The following LINC00632 variants were observed in gnomAD, a reference collection of about 807,000 sequenced individuals.
The protein encoded by LINC00632 is long independently transcribed non-coding RNA 632.
intron 2 of LINC00632, among the ~76,000 whole-genome samples, chrX:140,720,569 A>G (rs766737584): frequency 2.7e-5 from 3 of 112,298 alleles, no homozygotes; most frequent in African/African-American, 9.7e-5. Context: ...TCGCTGGACA[A>G]TACAGACACT....
chrX:140,768,347 C>T (rs914248501), intron 3 of LINC00632, among the ~76,000 whole-genome samples: 1 of 108,412 alleles, frequency 9.2e-6, no homozygotes, highest in Non-Finnish European at 1.9e-5. Context: ...AAGGGTAGAT[C>T]GAAGACCTCA....
chrX:140,739,431 G>C (rs1392171520), intron 3 of LINC00632, among the ~76,000 whole-genome samples: 1 of 110,357 alleles, frequency 9.1e-6, no homozygotes, highest in Non-Finnish European at 1.9e-5. Context: ...ATGTTGGTCA[G>C]GCTAGTCTCG....
chrX:140,787,710 T>C (rs1447510449), exon 5 of LINC00632, among the ~76,000 whole-genome samples: 1 of 111,508 alleles, frequency 9.0e-6, no homozygotes, highest in Non-Finnish European at 1.9e-5. Context: ...TGGAATACTG[T>C]GTGGTCATTT....
At chrX:140,726,358 A>T (rs1184161688) in intron 2 of LINC00632, among the ~76,000 whole-genome samples, 1 of 111,193 alleles carries the variant, frequency 9.0e-6, no homozygotes, top group African/African-American at 3.3e-5. Flanking sequence ...GAATGGCATC[A>T]TAATGCACAA....
At chrX:140,744,584 GGA>G (rs1931295670) in intron 3 of LINC00632, among the ~76,000 whole-genome samples, 5 of 76,564 alleles carry the variant, frequency 6.5e-5, no homozygotes, top group African/African-American at 2.2e-4. Context: ...GGGGGTGGGG[GGA>G]GGAGATGGAG....
chrX:140,788,246 C>T (rs1932045977), exon 5 of LINC00632, among the ~76,000 whole-genome samples: 1 of 109,615 alleles, frequency 9.1e-6, no homozygotes, highest in Non-Finnish European at 1.9e-5. Context: ...TTCTAGTACT[C>T]GTGTGTTGGG....
chrX:140,735,858 G>A (rs1931135916), intron 3 of LINC00632, among the ~76,000 whole-genome samples: 1 of 111,294 alleles, frequency 9.0e-6, no homozygotes, highest in Admixed American at 9.6e-5. Context: ...GAGTCACCAC[G>A]CCCAGCCTTT....
chrX:140,713,971 C>T (rs1040424800), intron 2 of LINC00632: 4 of 259,078 alleles, frequency 1.5e-5, no homozygotes, highest in African/African-American at 5.8e-5. Context: ...GACAAGCACA[C>T]ATACTCTCAA....
intron 2 of LINC00632, among the ~76,000 whole-genome samples, chrX:140,717,561 A>G (rs928576162): frequency 8.1e-5 from 9 of 110,982 alleles, no homozygotes; most frequent in Non-Finnish European, 1.9e-5. Context: ...CCCACAAAGC[A>G]AACCCACGCC....
chrX:140,783,741 G>GA (rs779058892), exon 5 of LINC00632: 25 of 1,207,965 alleles, frequency 2.1e-5, no homozygotes, highest in Middle Eastern at 4.6e-4. Context: ...ACATCTTCCG[G>GA]AAAAAATCCA....
chrX:140,762,598 T>G (rs1334759264), intron 3 of LINC00632, among the ~76,000 whole-genome samples: 9 of 112,409 alleles, frequency 8.0e-5, no homozygotes, highest in Non-Finnish European at 3.7e-5. Flanking sequence ...TATCAGGGAT[T>G]GACAAACTGC....
At chrX:140,767,498 T>C (rs1931710853) in intron 3 of LINC00632, among the ~76,000 whole-genome samples, 1 of 112,205 alleles carries the variant, frequency 8.9e-6, no homozygotes, top group South Asian at 3.7e-4. Flanking sequence ...TATTTAATTT[T>C]AAAGAAGTGG....
chrX:140,718,412 CTT>C (rs569513861), intron 2 of LINC00632, among the ~76,000 whole-genome samples: 14 of 95,492 alleles, frequency 1.5e-4, no homozygotes, highest in Non-Finnish European at 4.2e-5. Flanking sequence ...TGCACCTATT[CTT>C]TTTTTTTTTT....
At chrX:140,736,717 G>A (rs776409820) in intron 3 of LINC00632, among the ~76,000 whole-genome samples, 2 of 106,930 alleles carry the variant, frequency 1.9e-5, no homozygotes, top group African/African-American at 6.8e-5. Flanking sequence ...TTATAGGCAT[G>A]AGCCACTGTA....
At chrX:140,729,192 G>A (rs1466169558) in intron 2 of LINC00632, among the ~76,000 whole-genome samples, 1 of 110,662 alleles carries the variant, frequency 9.0e-6, no homozygotes, top group African/African-American at 3.3e-5. Flanking sequence ...ACCTTCGCCT[G>A]CACCCCAGAA....
At chrX:140,717,330 C>T (rs1930650891) in intron 2 of LINC00632, among the ~76,000 whole-genome samples, 1 of 110,308 alleles carries the variant, frequency 9.1e-6, no homozygotes, top group East Asian at 2.9e-4. Context: ...GAACTACATG[C>T]CCCACATCGC....
intron 3 of LINC00632, among the ~76,000 whole-genome samples, chrX:140,771,683 A>ATTTT (rs1286518719): frequency 3.4e-5 from 2 of 59,035 alleles, no homozygotes; most frequent in African/African-American, 1.7e-4. Context: ...ATATATATAT[A>ATTTT]TATTTTTTTT....
At chrX:140,757,675 T>A (rs915893659) in intron 3 of LINC00632, among the ~76,000 whole-genome samples, 7 of 111,407 alleles carry the variant, frequency 6.3e-5, no homozygotes, top group African/African-American at 2.3e-4. Flanking sequence ...CAAGCGATTC[T>A]CCTGTCTCAG....
exon 5 of LINC00632, among the ~76,000 whole-genome samples, chrX:140,782,153 A>G (rs754568316): frequency 2.9e-4 from 32 of 111,962 alleles, no homozygotes; most frequent in Admixed American, 8.5e-4. Context: ...GAAGAGATGA[A>G]ATAGTATTAA....
Sources: gnomAD v4.1 joint callset for allele counts (sites outside exome capture counted in the v4.1 genomes callset) on GRCh38, gnomAD v4.1.1 for gene constraint, MANE v1.5 for transcripts, NCBI Gene and HGNC (gene_info 2026-07-23, HGNC 2026-07-21) for gene names.